The following BBS9 variants were observed in gnomAD, a reference collection of about 807,000 sequenced individuals.
BBS9 encodes Bardet-Biedl syndrome 9.
BBS9 carries 89 observed loss-of-function variants against 117.7 expected under a neutral mutation model. The observed-to-expected ratio is 0.76, with a 90% confidence interval of 0.64 to 0.90. BBS9 has a LOEUF of 0.90. Ranked by LOEUF, BBS9 falls within the 40% of genes least tolerant of loss-of-function variation. The probability of loss-of-function intolerance (pLI) is 0.00; values close to 1 mark genes in which losing one functional copy is unlikely to be tolerated. For synonymous variants in BBS9, 379 were observed against 370.9 expected (o/e 1.02, Z -0.25); for missense variants, 982 against 1,042.2 (o/e 0.94, Z 0.80).
In BBS9 at chr7:33,612,390, A is replaced by G. The variant is rs538043530; in HGVS notation, c.2522-22787A>G. Among the ~76,000 whole-genome samples, 12 of 152,206 alleles carry G rather than the reference A, an allele frequency of 7.9e-5. No homozygotes were observed. In the South Asian group the frequency reaches 2.5e-3, roughly 32 times the overall value. The stretch of plus-strand genomic sequence containing the variant: ...TTTCAACTTTTCCCCCAAAATGTCA[A>G]TAACAAATCATAAAACACATACACA... On this transcript the variant is annotated intron_variant, in intron 21 of 21. Transcript: ENST00000671952.
At chr7:33,266,770 C>G (rs1012085977) in intron 7 of BBS9, among the ~76,000 whole-genome samples, 2 of 151,830 alleles carry the variant, frequency 1.3e-5, no homozygotes, top group African/African-American at 4.8e-5. Flanking sequence ...TGAGACAGAG[C>G]CTTGCTGTGT....
downstream of BBS9, among the ~76,000 whole-genome samples, chr7:33,607,537 A>C (rs1339909020): frequency 3.3e-5 from 5 of 152,114 alleles, no homozygotes; most frequent in African/African-American, 1.2e-4. Context: ...AAAAGCTGAT[A>C]ATCACCATAT....
rs564955717 is a variant in BBS9, at chr7:33,484,351, T to C, written c.2116-21112T>C. 3.3e-5 allele frequency among the ~76,000 whole-genome samples: 5 copies of C among 152,352 alleles called. No individual in the cohort carries two copies. The South Asian group carries it at 1.0e-3, about 32-fold the overall frequency. On this transcript the variant is annotated intron_variant, in intron 19 of 22. Transcript: ENST00000242067. Reference sequence around the variant, plus strand: ...GTATATATTTCTGTGTTGCCAGATGTAGAATATGACCTCTCTAATCAATAC... The same window carrying C: ...GTATATATTTCTGTGTTGCCAGATGCAGAATATGACCTCTCTAATCAATAC...
At chr7:33,223,922 AAATGT>A (rs1790753352) in intron 5 of BBS9, among the ~76,000 whole-genome samples, 1 of 152,238 alleles carries the variant, frequency 6.6e-6, no homozygotes, top group Non-Finnish European at 1.5e-5. Context: ...TATAGTTGGT[AAATGT>A]TTGCTCTTAT....
At chr7:33,405,957 T>G (rs1168402068) in intron 19 of BBS9, among the ~76,000 whole-genome samples, 1 of 137,018 alleles carries the variant, frequency 7.3e-6, no homozygotes, top group Non-Finnish European at 1.6e-5. Flanking sequence ...TTTTGGATCT[T>G]TCCTGCTTTC....
intron 5 of BBS9, among the ~76,000 whole-genome samples, chr7:33,226,255 C>T (rs139834282): frequency 6.6e-6 from 1 of 151,946 alleles, no homozygotes; most frequent in Admixed American, 6.6e-5. Flanking sequence ...AGAATTTTGT[C>T]TATTAACATT....
At chr7:33,403,281 C>CTT (rs1331820917) in intron 19 of BBS9, among the ~76,000 whole-genome samples, 8 of 123,978 alleles carry the variant, frequency 6.5e-5, no homozygotes, top group Admixed American at 3.2e-4. Context: ...ACCACATTTT[C>CTT]TTTTTTTTTT....
chr7:33,269,954 C>T (rs1048511124), intron 7 of BBS9, among the ~76,000 whole-genome samples: 8 of 145,788 alleles, frequency 5.5e-5, no homozygotes, highest in South Asian at 2.2e-4. Context: ...ACCTGGGAGG[C>T]GGAGGTTGCA....
At chr7:33,312,782 T>G (rs905374612) in intron 9 of BBS9, among the ~76,000 whole-genome samples, 5 of 152,196 alleles carry the variant, frequency 3.3e-5, no homozygotes, top group Admixed American at 3.3e-4. Flanking sequence ...GACTCTTAAT[T>G]TATCTGCTTA....
At chr7:33,308,579 T>C (rs968016172) in intron 9 of BBS9, among the ~76,000 whole-genome samples, 1 of 152,170 alleles carries the variant, frequency 6.6e-6, no homozygotes, top group African/African-American at 2.4e-5. Flanking sequence ...GAGAGCACTA[T>C]CCATCACAGT....
chr7:33,292,921 G>A lies in BBS9; in HGVS notation c.1016+18965G>A, dbSNP rs553898960. ...CTCGGGAGTCTGAGGCAGGAGAATC[G>A]CTTGAACCTGGGCGGCAGAGGTTGC... is the stretch of plus-strand genomic sequence containing the variant. On this transcript the variant is annotated intron_variant, in intron 9 of 22. Coordinates refer to ENST00000242067, the MANE Select transcript of BBS9 (RefSeq NM_198428.3). Among the ~76,000 whole-genome samples the A allele has an allele frequency of 9.9e-5, 15 of 151,592 alleles. No homozygotes were observed. In the East Asian group the frequency reaches 1.8e-3, roughly 18 times the overall value.
At chr7:33,255,436 G>A (rs757937089) in intron 5 of BBS9, among the ~76,000 whole-genome samples, 11 of 150,134 alleles carry the variant, frequency 7.3e-5, no homozygotes, top group Admixed American at 3.3e-4. Flanking sequence ...TATTCTTGGC[G>A]CCTTTGCTGA....
At chr7:33,467,995 GC>G (rs1295858528) in intron 19 of BBS9, among the ~76,000 whole-genome samples, 1 of 152,128 alleles carries the variant, frequency 6.6e-6, no homozygotes, top group Non-Finnish European at 1.5e-5. Context: ...TCATCACTTT[GC>G]TGATAATTGA....
intron 21 of BBS9, among the ~76,000 whole-genome samples, chr7:33,540,536 T>C (rs1376220053): frequency 6.6e-6 from 1 of 152,228 alleles, no homozygotes; most frequent in African/African-American, 2.4e-5. Context: ...GCTCTTTCTC[T>C]TCCATATATT....
intron 20 of BBS9, among the ~76,000 whole-genome samples, chr7:33,524,779 G>T (rs1233426945): frequency 6.6e-6 from 1 of 151,998 alleles, no homozygotes; most frequent in Non-Finnish European, 1.5e-5. Flanking sequence ...GTTATTTCTT[G>T]CCTTCTTCTA....
intron 9 of BBS9, among the ~76,000 whole-genome samples, chr7:33,277,655 G>A (rs1407354807): frequency 6.6e-6 from 1 of 152,158 alleles, no homozygotes; most frequent in African/African-American, 2.4e-5. Context: ...GTTTGGGGTG[G>A]CTAGGCAATG....
At chr7:33,472,769 C>T (rs1043387760) in intron 19 of BBS9, among the ~76,000 whole-genome samples, 5 of 152,160 alleles carry the variant, frequency 3.3e-5, no homozygotes, top group African/African-American at 7.2e-5. Flanking sequence ...TAGCATTACC[C>T]CCACTCTCTC....
chr7:33,534,158 C>G lies in BBS9; in HGVS notation c.2503C>G (p.Gln835Glu). The G allele has an allele frequency of 6.2e-7, 1 of 1,614,134 alleles. No individual in the cohort carries two copies. The highest frequency in any genetic ancestry group is 8.5e-7 in the Non-Finnish European group (1 of 1,179,988). The change falls in exon 21 of 23, where the codon CAG becomes GAG. Residue 835 changes from glutamine (Q) to glutamate (E), a missense_variant. Coordinates refer to ENST00000242067, the MANE Select transcript of BBS9 (RefSeq NM_198428.3). ...LCLSTDAAAPQTMVMPGGCTT... is the reference protein window; with the variant it reads ...LCLSTDAAAPETMVMPGGCTT... ...CCTAAGTACCGATGCAGCAGCCCCA[C>G]AGACCATGGTCATGCCAGGTAAGAG...
intron 21 of BBS9, among the ~76,000 whole-genome samples, chr7:33,590,459 G>GTTTTTTTGTTTTTGTTTTT (rs1554551689): frequency 3.0e-5 from 3 of 101,500 alleles, no homozygotes; most frequent in African/African-American, 8.0e-5. Context: ...TTGTTTTTTT[G>GTTTTTTTGTTTTTGTTTTT]TTTTTTTTTT....
Sources: gnomAD v4.1 joint callset for allele counts (sites outside exome capture counted in the v4.1 genomes callset) on GRCh38, gnomAD v4.1.1 for gene constraint, MANE v1.5 for transcripts, NCBI Gene and HGNC (gene_info 2026-07-23, HGNC 2026-07-21) for gene names.